Variants in TRIP12 observed in about 807,000 individuals in gnomAD.
TRIP12 encodes the protein thyroid hormone receptor interactor 12.
A neutral mutation model predicts 244.2 loss-of-function variants in TRIP12; 25 were observed. That is an observed-to-expected ratio of 0.10 (90% confidence interval 0.07 to 0.14). The LOEUF (loss-of-function observed/expected upper bound fraction) is 0.14, where lower values mean the gene tolerates loss of function less well. Ranked by LOEUF, TRIP12 falls within the 10% of genes least tolerant of loss-of-function variation. The pLI, the probability that TRIP12 is intolerant of heterozygous loss-of-function variation, is 1.00. For synonymous variants in TRIP12, 905 were observed against 873.1 expected (o/e 1.04, Z -0.64); for missense variants, 1,677 against 2,486.4 (o/e 0.67, Z 6.92).
intron 8 of TRIP12, among the ~76,000 whole-genome samples, chr2:229,820,324 A>G (rs1191250623): frequency 6.6e-6 from 1 of 152,138 alleles, no homozygotes; most frequent in African/African-American, 2.4e-5. Flanking sequence ...TACCAATAAA[A>G]CATCTGGGAT....
chr2:229,901,817 A>G (rs1358825157), intron 1 of TRIP12, among the ~76,000 whole-genome samples: 3 of 152,080 alleles, frequency 2.0e-5, no homozygotes, highest in African/African-American at 7.2e-5. Flanking sequence ...AGATAAGAAG[A>G]AGTAGAGACT....
intron 4 of TRIP12, among the ~76,000 whole-genome samples, chr2:229,843,533 G>A (rs1040256827): frequency 6.6e-6 from 1 of 152,072 alleles, no homozygotes; most frequent in Non-Finnish European, 1.5e-5. Context: ...TCTGAGACCA[G>A]CCTGGGCAAC....
chr2:229,841,468 CAATT>C (rs2056409953), intron 4 of TRIP12, among the ~76,000 whole-genome samples: 1 of 152,086 alleles, frequency 6.6e-6, no homozygotes, highest in South Asian at 2.1e-4. Flanking sequence ...GGGGGAGACT[CAATT>C]AAGCACAGTT....
At chr2:229,874,993 C>G (rs1464848576) in intron 2 of TRIP12, among the ~76,000 whole-genome samples, 3 of 152,146 alleles carry the variant, frequency 2.0e-5, no homozygotes, top group African/African-American at 7.2e-5. Context: ...CTACAAATAC[C>G]TGTGCTAGAA....
At chr2:229,916,924 A>T (rs773553401) in intron 1 of TRIP12, among the ~76,000 whole-genome samples, 21 of 152,160 alleles carry the variant, frequency 1.4e-4, no homozygotes, top group Non-Finnish European at 2.5e-4. Flanking sequence ...ATTTATTACA[A>T]ATAACAGCAA....
At chr2:229,838,015 T>C (rs1004292063) in intron 5 of TRIP12, among the ~76,000 whole-genome samples, 7 of 152,006 alleles carry the variant, frequency 4.6e-5, no homozygotes, top group African/African-American at 1.7e-4. Flanking sequence ...AAACAAAAGC[T>C]CCCCAAATTA....
At chr2:229,796,860 G>C in intron 24 of TRIP12, 78 bp from the exon 25 acceptor site, 1 of 1,311,386 alleles carries the variant, frequency 7.6e-7, no homozygotes, top group Non-Finnish European at 1.0e-6. Context: ...ATCCTCAAAA[G>C]GAAATGAATA....
chr2:229,842,109 T>C (rs1457414698), intron 4 of TRIP12, among the ~76,000 whole-genome samples: 1 of 152,250 alleles, frequency 6.6e-6, no homozygotes, highest in Non-Finnish European at 1.5e-5. Context: ...ATCTAAACTA[T>C]ATCTTTTGGG....
chr2:229,865,408 T>C (rs900929840), intron 2 of TRIP12, among the ~76,000 whole-genome samples: 2 of 151,620 alleles, frequency 1.3e-5, no homozygotes, highest in Non-Finnish European at 2.9e-5. Flanking sequence ...TAGTTACAAG[T>C]AGCTAGTTAA....
intron 1 of TRIP12, among the ~76,000 whole-genome samples, chr2:229,920,337 A>C (rs917310493): frequency 2.6e-5 from 4 of 152,196 alleles, no homozygotes; most frequent in Non-Finnish European, 5.9e-5. Flanking sequence ...TACAAAACGG[A>C]GTAAAGCCCG....
chr2:229,830,878 C>T, intron 6 of TRIP12, 39 bp from the exon 7 acceptor site: 1 of 1,594,522 alleles, frequency 6.3e-7, no homozygotes, highest in Non-Finnish European at 8.6e-7. Flanking sequence ...AGGAGGAGCA[C>T]TTAAACACAT....
chr2:229,894,220 T>C (rs1376082687), intron 1 of TRIP12: 1 of 152,176 alleles, frequency 6.6e-6, no homozygotes, highest in Non-Finnish European at 1.5e-5. Context: ...CTAATACGTA[T>C]TTCCCTAATA....
intron 1 of TRIP12, among the ~76,000 whole-genome samples, chr2:229,916,505 A>G (rs2075405190): frequency 1.3e-5 from 2 of 149,850 alleles, no homozygotes; most frequent in Non-Finnish European, 3.0e-5. Flanking sequence ...CAGTGAGCCG[A>G]GATCGCGCCA....
intron 26 of TRIP12, 46 bp downstream of exon 26, chr2:229,795,133 G>A: frequency 6.3e-7 from 1 of 1,577,332 alleles, no homozygotes. Flanking sequence ...GTGAAATTAA[G>A]TACCAAATTC....
chr2:229,840,871 A>C lies in TRIP12; in HGVS notation c.1084T>G (p.Leu362Val). Residue 362 changes from leucine to valine, a missense_variant, in exon 5 of 42, where the codon TTG (leucine) becomes GTG (valine). Leu to Val is a conservative substitution (Grantham distance 32). Transcript: ENST00000675903. The part of the protein sequence containing the change: ...SESPPAELPS[L>V]RRSTRQKTTG... ...GTCTTTTGGCGTGTGCTCCGCCTCAAACTGGGGAGCTCAGCAGGTGGAGAC... is the reference window on the plus strand; with the variant it reads ...GTCTTTTGGCGTGTGCTCCGCCTCACACTGGGGAGCTCAGCAGGTGGAGAC... 2 of 1,610,980 alleles carry C rather than the reference A, an allele frequency of 1.2e-6. No homozygotes were observed. The highest frequency in any genetic ancestry group is 1.7e-6 in the Non-Finnish European group (2 of 1,179,186).
At chr2:229,810,819 T>A (rs2047085264) in intron 15 of TRIP12, 61 bp downstream of exon 15, 15 of 1,549,822 alleles carry the variant, frequency 9.7e-6, no homozygotes, top group Non-Finnish European at 1.3e-5. Context: ...TATGTTGACT[T>A]TACATATTAA....
At chr2:229,789,535 G>A in intron 31 of TRIP12, 76 bp downstream of exon 31, 1 of 1,532,162 alleles carries the variant, frequency 6.5e-7, no homozygotes, top group East Asian at 2.3e-5. Context: ...CTGAATCACT[G>A]TTTCCATTTC....
intron 37 of TRIP12, among the ~76,000 whole-genome samples, chr2:229,775,797 T>G (rs1171601240): frequency 6.6e-6 from 1 of 151,866 alleles, no homozygotes; most frequent in Admixed American, 6.6e-5. Context: ...ATATACTTTA[T>G]TAAAGAAACA....
chr2:229,794,566 AAAAT>A (rs148461987), intron 26 of TRIP12, among the ~76,000 whole-genome samples: 77,378 of 149,756 alleles, frequency 0.52, 20,721 homozygotes, highest in African/African-American at 0.66. Flanking sequence ...ACTCTGTCCC[AAAAT>A]AAATAAATAA....
Sources: gnomAD v4.1 joint callset for allele counts (sites outside exome capture counted in the v4.1 genomes callset) on GRCh38, gnomAD v4.1.1 for gene constraint, MANE v1.5 for transcripts, NCBI Gene and HGNC (gene_info 2026-07-23, HGNC 2026-07-21) for gene names.